DLGAP2: variants seen among roughly 807,000 people sequenced by gnomAD.
DLGAP2 encodes disks large-associated protein 2.
DLGAP2 carries 26 observed loss-of-function variants against 100.3 expected under a neutral mutation model. The observed-to-expected ratio is 0.26, with a 90% CI of 0.19 to 0.36. The LOEUF is 0.36. DLGAP2 is among the 10% of genes least tolerant of loss of function. The pLI, the probability that DLGAP2 is intolerant of heterozygous loss-of-function variation, is 1.00. For synonymous variants in DLGAP2, 886 were observed against 630.1 expected (o/e 1.41, Z -6.08); for missense variants, 1,858 against 1,453.2 (o/e 1.28, Z -4.53).
At chr8:1,316,059 G>A (rs79647437) in intron 3 of DLGAP2, among the ~76,000 whole-genome samples, 24,143 of 127,896 alleles carry the variant, frequency 0.19, 4,166 homozygotes, top group Non-Finnish European at 0.21. Context: ...AAAATAGAGC[G>A]TGTGTGAGTG....
chr8:1,097,496 C>G (rs1369907362), intron 2 of DLGAP2, among the ~76,000 whole-genome samples: 3 of 124,976 alleles, frequency 2.4e-5, no homozygotes, highest in African/African-American at 6.2e-5. Context: ...CCTTCACCCT[C>G]TGTGGCATGG....
chr8:1,023,027 G>A (rs1801673304), intron 2 of DLGAP2, among the ~76,000 whole-genome samples: 1 of 152,224 alleles, frequency 6.6e-6, no homozygotes, highest in Admixed American at 6.5e-5. Flanking sequence ...ACAGAGGGAA[G>A]GAGCATTGCG....
intron 1 of DLGAP2, among the ~76,000 whole-genome samples, chr8:766,303 A>C (rs1181837267): frequency 6.6e-6 from 1 of 152,184 alleles, no homozygotes; most frequent in Non-Finnish European, 1.5e-5. Context: ...ACCCTTTCCC[A>C]GTCAGCTCGT....
chr8:1,443,010 ATTAACT>A (rs1204623258), intron 3 of DLGAP2, among the ~76,000 whole-genome samples: 3 of 152,276 alleles, frequency 2.0e-5, no homozygotes, highest in African/African-American at 7.2e-5. Context: ...AGATTTTAAA[ATTAACT>A]TTATCATTCT....
intron 1 of DLGAP2, among the ~76,000 whole-genome samples, chr8:870,220 T>G (rs1797571686): frequency 6.6e-6 from 1 of 152,204 alleles, no homozygotes; most frequent in African/African-American, 2.4e-5. Flanking sequence ...TCGCCGATAT[T>G]TCTCCTGACA....
rs779591335 is a variant in DLGAP2 at position 1,548,847 on chromosome 8, C to A, written c.394C>A (p.Arg132Ser). ...LSPADSCPGGRHRCSPRSSVH... is the reference protein window; with the variant it reads ...LSPADSCPGGSHRCSPRSSVH... Reference sequence around the variant, plus strand: ...CCCCGCCGACAGCTGCCCCGGGGGGCGCCACCGCTGCTCGCCGCGCAGCTC... The same window carrying A: ...CCCCGCCGACAGCTGCCCCGGGGGGAGCCACCGCTGCTCGCCGCGCAGCTC... The change falls in exon 5 of 15, where the codon CGC (arginine) becomes AGC (serine). Residue 132 changes from arginine (R) to serine (S), a missense_variant. Physicochemically the swap from Arg to Ser is moderately radical, Grantham distance 110. Coordinates refer to ENST00000637795, the MANE Select transcript of DLGAP2 (RefSeq NM_001346810.2). 1 of 1,579,828 alleles carries A rather than the reference C, an allele frequency of 6.3e-7. No individual in the cohort carries two copies. Among genetic ancestry groups the A allele is most frequent in the East Asian group, 2.3e-5 (1 of 43,932 alleles).
chr8:1,514,554 G>A (rs767240663), intron 4 of DLGAP2, among the ~76,000 whole-genome samples: 4 of 152,256 alleles, frequency 2.6e-5, no homozygotes, highest in African/African-American at 9.6e-5. Flanking sequence ...GGTCAGGAGT[G>A]TGAAACTTCT....
chr8:941,411 G>C (rs577446904), intron 2 of DLGAP2, among the ~76,000 whole-genome samples: 9 of 152,244 alleles, frequency 5.9e-5, no homozygotes, highest in African/African-American at 1.9e-4. Context: ...TGTCAGCCAA[G>C]GGTCTGTGTT....
chr8:1,158,652 C>T (rs560248729), intron 2 of DLGAP2, among the ~76,000 whole-genome samples: 18 of 152,348 alleles, frequency 1.2e-4, no homozygotes, highest in African/African-American at 3.6e-4. Flanking sequence ...AACCCGCAGA[C>T]GGCCGTTGCA....
At chr8:1,567,279 G>A (rs1802441223) in intron 6 of DLGAP2, among the ~76,000 whole-genome samples, 1 of 152,206 alleles carries the variant, frequency 6.6e-6, no homozygotes, top group South Asian at 2.1e-4. Context: ...GACATTAGGA[G>A]AATTATGAAT....
At chr8:1,292,409 T>A (rs575392227) in intron 3 of DLGAP2, among the ~76,000 whole-genome samples, 1 of 152,118 alleles carries the variant, frequency 6.6e-6, no homozygotes, top group Non-Finnish European at 1.5e-5. Flanking sequence ...CTGCCTCCAG[T>A]TGGAGGATGG....
chr8:1,033,858 T>G (rs377636363), intron 2 of DLGAP2, among the ~76,000 whole-genome samples: 7 of 115,144 alleles, frequency 6.1e-5, no homozygotes, highest in Non-Finnish European at 9.0e-5. Flanking sequence ...TCACCGCGAG[T>G]GGGTTCACAG....
chr8:1,416,539 C>G (rs1473778829), intron 3 of DLGAP2, among the ~76,000 whole-genome samples: 10 of 152,136 alleles, frequency 6.6e-5, no homozygotes, highest in African/African-American at 2.2e-4. Context: ...ATGAACCACC[C>G]GAGGCCTGAA....
chr8:961,291 G>A (rs1799719663), intron 2 of DLGAP2, among the ~76,000 whole-genome samples: 1 of 148,552 alleles, frequency 6.7e-6, no homozygotes. Flanking sequence ...CCAGAACTGT[G>A]TGCTCAGGAA....
intron 3 of DLGAP2, among the ~76,000 whole-genome samples, chr8:1,372,410 C>A (rs1224834891): frequency 6.6e-6 from 1 of 152,198 alleles, no homozygotes; most frequent in Non-Finnish European, 1.5e-5. Context: ...GTCTTGCCCT[C>A]ACTCCTCCCT....
At chr8:1,446,359 C>G (rs1427708959) in intron 3 of DLGAP2, among the ~76,000 whole-genome samples, 1 of 152,122 alleles carries the variant, frequency 6.6e-6, no homozygotes, top group African/African-American at 2.4e-5. Context: ...ATCCTTTCCC[C>G]ATTGCTTATT....
At chr8:814,019 C>T (rs1032825840) in intron 1 of DLGAP2, among the ~76,000 whole-genome samples, 2 of 152,024 alleles carry the variant, frequency 1.3e-5, no homozygotes, top group South Asian at 2.1e-4. Context: ...TGGTGACCTC[C>T]TATTAAAATA....
chr8:787,211 G>T (rs767755852), intron 1 of DLGAP2, among the ~76,000 whole-genome samples: 5 of 152,262 alleles, frequency 3.3e-5, no homozygotes, highest in Middle Eastern at 3.4e-3. Flanking sequence ...GAAGACTGCT[G>T]TATGTCTTTC....
At chr8:1,294,286 C>G (rs1020678145) in intron 3 of DLGAP2, among the ~76,000 whole-genome samples, 3 of 152,186 alleles carry the variant, frequency 2.0e-5, no homozygotes, top group African/African-American at 7.2e-5. Context: ...GGCTGGTAAA[C>G]ATTGTCTTAT....
Sources: allele counts gnomAD v4.1 joint callset (sites outside exome capture counted in the v4.1 genomes callset), GRCh38; gene constraint gnomAD v4.1.1; transcripts MANE v1.5; gene names NCBI Gene and HGNC (gene_info 2026-07-23, HGNC 2026-07-21).